RARB: variants seen among roughly 807,000 people sequenced by gnomAD.
RARB encodes the protein HBV-activated protein.
RARB carries 17 observed loss-of-function variants against 51.9 expected under a neutral mutation model. The observed-to-expected ratio is 0.33, with a 90% CI of 0.22 to 0.49. RARB has a LOEUF of 0.49. Among genes scored for constraint, RARB ranks in the 20% least tolerant of loss-of-function variants. RARB has a pLI of 0.99. For synonymous variants in RARB, 215 were observed against 195.4 expected, an observed-to-expected ratio of 1.10 and a Z score of -0.84; for missense variants, 369 against 550.8, an observed-to-expected ratio of 0.67 and a Z score of 3.30.
chr3:25,525,484 C>T (rs1698608564), intron 3 of RARB, among the ~76,000 whole-genome samples: 1 of 152,212 alleles, frequency 6.6e-6, no homozygotes, highest in Non-Finnish European at 1.5e-5. Context: ...GCAAACATAG[C>T]TTCGGGCTCA....
chr3:24,879,684 A>G (rs1225554795), intron 2 of RARB, among the ~76,000 whole-genome samples: 4 of 152,050 alleles, frequency 2.6e-5, no homozygotes, highest in Non-Finnish European at 4.4e-5. Flanking sequence ...ATCACTTTAC[A>G]TTCTTGACTT....
At chr3:25,492,597 C>CAG (rs1696792541) in intron 2 of RARB, among the ~76,000 whole-genome samples, 1 of 152,182 alleles carries the variant, frequency 6.6e-6, no homozygotes, top group African/African-American at 2.4e-5. Context: ...CTGGGTCTAA[C>CAG]AGAGGTTCAG....
chr3:25,030,595 A>G (rs1697850548), intron 2 of RARB, among the ~76,000 whole-genome samples: 2 of 152,354 alleles, frequency 1.3e-5, no homozygotes, highest in South Asian at 4.1e-4. Flanking sequence ...TCTTTAAATT[A>G]ATAAGTTGGG....
intron 2 of RARB, among the ~76,000 whole-genome samples, chr3:24,949,728 G>A (rs763461876): frequency 5.3e-5 from 8 of 152,190 alleles, no homozygotes; most frequent in African/African-American, 1.2e-4. Flanking sequence ...CCTCTGTGCC[G>A]GACATTACGC....
chr3:25,156,493 C>T lies in RARB; in HGVS notation c.-279-17626C>T, dbSNP rs1001909624. Among the ~76,000 whole-genome samples, 4 of 105,516 alleles carry T rather than the reference C, an allele frequency of 3.8e-5. No individual in the cohort carries two copies. In the Admixed American group the frequency reaches 6.1e-4, roughly 16 times the overall value. 69.2% of individuals were successfully genotyped at this position (105,516 alleles called of 152,430 possible). A position where few individuals can be genotyped will look rare whatever the true frequency, so the allele number is the denominator to read the frequency against. ...TCCCTTCATTTTAACTGACTCTAAT[C>T]ACACAAATTCTAGCCCCAACTGCAA... On this transcript the variant is annotated intron_variant, in intron 4 of 11. Transcript: ENST00000383772.
intron 3 of RARB, among the ~76,000 whole-genome samples, chr3:25,063,159 G>T (rs1698584074): frequency 6.6e-6 from 1 of 152,006 alleles, no homozygotes; most frequent in Non-Finnish European, 1.5e-5. Context: ...AATAGCCACA[G>T]AAGGTTTTCC....
chr3:25,398,333 G>C (rs1042059704), intron 5 of RARB, among the ~76,000 whole-genome samples: 1 of 152,012 alleles, frequency 6.6e-6, no homozygotes, highest in Non-Finnish European at 1.5e-5. Flanking sequence ...CATTATTATC[G>C]ATAAAAGTTA....
intron 5 of RARB, among the ~76,000 whole-genome samples, chr3:25,584,409 G>A (rs1398290158): frequency 6.6e-6 from 1 of 152,166 alleles, no homozygotes; most frequent in Non-Finnish European, 1.5e-5. Flanking sequence ...GGAGGGCTGG[G>A]GCTTGTTTCT....
chr3:24,875,541 C>A (rs958028007), intron 2 of RARB, among the ~76,000 whole-genome samples: 1 of 152,086 alleles, frequency 6.6e-6, no homozygotes. Flanking sequence ...TGGTACTGCC[C>A]TGTCTAATGT....
At chr3:25,448,931 G>A (rs565184054) in intron 1 of RARB, among the ~76,000 whole-genome samples, 1 of 151,644 alleles carries the variant, frequency 6.6e-6, no homozygotes, top group South Asian at 2.1e-4. Flanking sequence ...GAGTCATTCA[G>A]CCCCTCATTT....
At chr3:25,222,032 G>A (rs957575973) in intron 5 of RARB, among the ~76,000 whole-genome samples, 10 of 152,164 alleles carry the variant, frequency 6.6e-5, no homozygotes, top group African/African-American at 9.7e-5. Flanking sequence ...TCATGGGAGC[G>A]TAATCGGAAC....
intron 2 of RARB, among the ~76,000 whole-genome samples, chr3:24,921,632 C>A (rs1027052473): frequency 6.6e-6 from 1 of 152,072 alleles, no homozygotes; most frequent in Non-Finnish European, 1.5e-5. Flanking sequence ...GGAGGTCCCC[C>A]CCATCTCCTC....
chr3:25,042,670 C>T (rs372719992), intron 2 of RARB, among the ~76,000 whole-genome samples: 46 of 152,170 alleles, frequency 3.0e-4, no homozygotes, highest in Non-Finnish European at 6.3e-4. Flanking sequence ...TAATACTTAA[C>T]ACACTTATAA....
intron 5 of RARB, among the ~76,000 whole-genome samples, chr3:25,206,267 C>T (rs906531105): frequency 6.6e-6 from 1 of 152,182 alleles, no homozygotes; most frequent in Non-Finnish European, 1.5e-5. Context: ...ATTGAACTAG[C>T]TAGTGTTCTT....
chr3:25,029,047 G>C (rs1388956307), intron 2 of RARB, among the ~76,000 whole-genome samples: 1 of 152,166 alleles, frequency 6.6e-6, no homozygotes, highest in Non-Finnish European at 1.5e-5. Flanking sequence ...AGCATGAGAG[G>C]AGCTTACCCT....
At chr3:25,553,332 A>G (rs1393588557) in intron 3 of RARB, among the ~76,000 whole-genome samples, 1 of 152,154 alleles carries the variant, frequency 6.6e-6, no homozygotes, top group Non-Finnish European at 1.5e-5. Flanking sequence ...TCAAGGAATG[A>G]TTGACAGGGG....
At chr3:24,996,496 G>C (rs923222973) in intron 2 of RARB, among the ~76,000 whole-genome samples, 3 of 151,522 alleles carry the variant, frequency 2.0e-5, no homozygotes, top group Non-Finnish European at 4.4e-5. Context: ...TTCTAATTTT[G>C]AGTTTTGCTT....
intron 4 of RARB, among the ~76,000 whole-genome samples, chr3:25,139,651 A>G (rs1269753973): frequency 6.6e-6 from 1 of 152,206 alleles, no homozygotes; most frequent in Non-Finnish European, 1.5e-5. Flanking sequence ...AGGTACATCA[A>G]GTTACACAGA....
At chr3:24,877,235 AAC>A (rs1559379755) in intron 2 of RARB, among the ~76,000 whole-genome samples, 1 of 152,054 alleles carries the variant, frequency 6.6e-6, no homozygotes, top group Non-Finnish European at 1.5e-5. Flanking sequence ...CTTCTGTTTA[AAC>A]ACAGTTCTGA....
Sources: allele counts gnomAD v4.1 joint callset (sites outside exome capture counted in the v4.1 genomes callset), GRCh38; gene constraint gnomAD v4.1.1; transcripts MANE v1.5; gene names NCBI Gene and HGNC (gene_info 2026-07-23, HGNC 2026-07-21).